Variants in RANBP2 observed in about 807,000 individuals in gnomAD.
RANBP2 encodes the protein RAN binding protein 2.
A neutral mutation model predicts 303.6 loss-of-function variants in RANBP2; 57 were observed. The observed-to-expected ratio is 0.19, with a 90% CI of 0.15 to 0.23. The LOEUF is 0.23. RANBP2 is among the 10% of genes least tolerant of loss of function. The pLI is 1.00. For synonymous variants in RANBP2, 1,167 were observed against 1,301.5 expected (o/e 0.90, Z 2.23); for missense variants, 3,138 against 3,780.8 (o/e 0.83, Z 4.46).
At chr2:108,812,892 A>G in the RANBP2 span, 1 of 1,613,822 alleles carries the variant, frequency 6.2e-7, no homozygotes, top group Non-Finnish European at 8.5e-7. Flanking sequence ...GAAAAGTTTA[A>G]AACAAGAAAA....
the RANBP2 span, chr2:108,857,066 CTTTTTTTTTTTTTTTT>C: frequency 2.7e-4 from 12 of 44,066 alleles, no homozygotes; most frequent in Admixed American, 1.0e-3. Flanking sequence ...GATACTATTG[CTTTTTTTTTTTTTTTT>C]TTTTTTTTTT....
the RANBP2 span, among the ~76,000 whole-genome samples, chr2:109,169,284 G>T: frequency 6.6e-6 from 1 of 152,100 alleles, no homozygotes; most frequent in Non-Finnish European, 1.5e-5. Flanking sequence ...TGAGAGGCGG[G>T]TATATTATTT....
the RANBP2 span, among the ~76,000 whole-genome samples, chr2:109,183,526 G>T: frequency 6.6e-6 from 1 of 152,162 alleles, no homozygotes. Flanking sequence ...TGTGCCTTTT[G>T]TGTATAAACC....
At chr2:109,169,687 T>C in the RANBP2 span, among the ~76,000 whole-genome samples, 1 of 152,160 alleles carries the variant, frequency 6.6e-6, no homozygotes, top group Non-Finnish European at 1.5e-5. Flanking sequence ...TTTCATTGTT[T>C]GGCTATATCT....
chr2:109,422,577 C>T, the RANBP2 span, among the ~76,000 whole-genome samples: 1 of 149,184 alleles, frequency 6.7e-6, no homozygotes, highest in African/African-American at 2.5e-5. Context: ...AGACGTCTCT[C>T]ATTCCTGCAC....
chr2:109,532,405 G>A, the RANBP2 span, among the ~76,000 whole-genome samples: 4 of 152,024 alleles, frequency 2.6e-5, no homozygotes, highest in South Asian at 6.2e-4. Context: ...TCTAGAAGCC[G>A]GCTAAGGTTT....
the RANBP2 span, among the ~76,000 whole-genome samples, chr2:108,834,162 T>G: frequency 6.6e-6 from 1 of 152,014 alleles, no homozygotes; most frequent in East Asian, 1.9e-4. Context: ...ATTGCATATT[T>G]TTATCTGTTA....
the RANBP2 span, among the ~76,000 whole-genome samples, chr2:109,061,589 A>C: frequency 6.6e-6 from 1 of 152,306 alleles, no homozygotes; most frequent in South Asian, 2.1e-4. Context: ...ATGCACACTC[A>C]CTATATTTCA....
the RANBP2 span, among the ~76,000 whole-genome samples, chr2:109,327,030 G>A: frequency 3.9e-5 from 6 of 152,186 alleles, no homozygotes; most frequent in East Asian, 7.7e-4. Flanking sequence ...TTTTTCCTTC[G>A]TATTTAATGT....
chr2:109,154,918 G>T, the RANBP2 span, among the ~76,000 whole-genome samples: 42 of 152,338 alleles, frequency 2.8e-4, no homozygotes, highest in African/African-American at 9.9e-4. Flanking sequence ...TTTGGAGAGT[G>T]TTGGCTTTCC....
the RANBP2 span, among the ~76,000 whole-genome samples, chr2:109,449,891 C>A: frequency 6.6e-6 from 1 of 152,028 alleles, no homozygotes; most frequent in South Asian, 2.1e-4. Context: ...TGAACAGCAC[C>A]CACTCCCTTC....
chr2:109,170,743 C>T, the RANBP2 span, among the ~76,000 whole-genome samples: 1 of 152,198 alleles, frequency 6.6e-6, no homozygotes, highest in Non-Finnish European at 1.5e-5. Context: ...GACCATGTGC[C>T]AGGCACTGGG....
the RANBP2 span, among the ~76,000 whole-genome samples, chr2:109,067,185 G>A: frequency 6.6e-6 from 1 of 152,182 alleles, no homozygotes; most frequent in Non-Finnish European, 1.5e-5. Flanking sequence ...CAGTGAGGAC[G>A]CAGGCCTAGT....
the RANBP2 span, among the ~76,000 whole-genome samples, chr2:109,684,914 C>T: frequency 6.7e-6 from 1 of 150,314 alleles, no homozygotes; most frequent in Non-Finnish European, 1.5e-5. Flanking sequence ...CGCTCTGTCA[C>T]CCAGGCTGGA....
At chr2:108,873,635 C>T in the RANBP2 span, 352 of 1,397,686 alleles carry the variant, frequency 2.5e-4, 1 homozygote, top group African/African-American at 3.6e-3. Flanking sequence ...AAATACCTTA[C>T]TGTGATCATT....
the RANBP2 span, among the ~76,000 whole-genome samples, chr2:109,659,490 T>A: frequency 4.4e-4 from 67 of 152,190 alleles, no homozygotes; most frequent in African/African-American, 1.6e-3. Flanking sequence ...TGTACTGTGA[T>A]TTATCCAGGG....
At chr2:108,845,913 A>G in the RANBP2 span, among the ~76,000 whole-genome samples, 2 of 152,158 alleles carry the variant, frequency 1.3e-5, no homozygotes, top group Non-Finnish European at 2.9e-5. Context: ...ATTAGATCAT[A>G]TATTATTTTA....
At chr2:109,644,983 A>T in the RANBP2 span, among the ~76,000 whole-genome samples, 1 of 152,206 alleles carries the variant, frequency 6.6e-6, no homozygotes, top group Non-Finnish European at 1.5e-5. Context: ...CACTCCCAGG[A>T]AAAGCACTGC....
At chr2:108,854,197 T>G in the RANBP2 span, among the ~76,000 whole-genome samples, 2 of 147,958 alleles carry the variant, frequency 1.4e-5, no homozygotes, top group Non-Finnish European at 1.5e-5. Flanking sequence ...TCAAAGCAGA[T>G]TTATGTATTT....
Sources: allele counts gnomAD v4.1 joint callset (sites outside exome capture counted in the v4.1 genomes callset), GRCh38; gene constraint gnomAD v4.1.1; transcripts MANE v1.5; gene names NCBI Gene and HGNC (gene_info 2026-07-23, HGNC 2026-07-21).